SNAPC1: variants seen among roughly 807,000 people sequenced by gnomAD.
SNAPC1 encodes the protein snRNA-activating protein complex subunit 1.
In SNAPC1, 42 loss-of-function variants were observed where a neutral mutation model predicts 50.1. The observed-to-expected ratio is 0.84, with a 90% confidence interval of 0.65 to 1.08. The LOEUF is 1.08. Among genes scored for constraint, SNAPC1 ranks in the 50% least tolerant of loss-of-function variants. The pLI is 0.00. For synonymous variants in SNAPC1, 164 were observed against 144.2 expected (o/e 1.14, Z -0.98); for missense variants, 477 against 427.3 (o/e 1.12, Z -1.02).
chr14:61,783,315 G>T (rs1174019011), intron 8 of SNAPC1, among the ~76,000 whole-genome samples: 1 of 151,884 alleles, frequency 6.6e-6, no homozygotes, highest in Non-Finnish European at 1.5e-5. Flanking sequence ...ACAGGTATGA[G>T]CCACCGCACG....
chr14:61,768,793 C>A, intron 4 of SNAPC1, 53 bp downstream of exon 4: 2 of 916,340 alleles, frequency 2.2e-6, no homozygotes, highest in Non-Finnish European at 1.8e-6. Flanking sequence ...TTATTGCCAA[C>A]TACATATTGA....
At chr14:61,769,393 G>GTTTTTTTTTTTTTTT (rs766718835) in intron 4 of SNAPC1, among the ~76,000 whole-genome samples, 1 of 116,376 alleles carries the variant, frequency 8.6e-6, no homozygotes, top group Non-Finnish European at 1.8e-5. Context: ...ATTTCCTGAG[G>GTTTTTTTTTTTTTTT]TTTTTTTTTT....
chr14:61,795,869 T>TTC lies in SNAPC1; in HGVS notation c.*886_*887insTC, dbSNP rs1555342499. ...TGTTGGCTCAACTGTTTTTTTTTTT[T>TTC]CCCTAATAGAGATGGAGTATCGCTA... is the stretch of plus-strand genomic sequence containing the variant. On this transcript the variant is annotated 3_prime_UTR_variant, in exon 10 of 10. Coordinates refer to ENST00000216294, the MANE Select transcript of SNAPC1 (RefSeq NM_003082.4). The TTC allele has an allele frequency of 2.0e-5, 3 of 151,642 alleles. No homozygotes were observed. The highest frequency in any genetic ancestry group is 7.3e-5 in the African/African-American group (3 of 41,188). 9.4% of individuals were successfully genotyped at this position (151,642 alleles called of 1,614,324 possible). A position where few individuals can be genotyped will look rare whatever the true frequency, so the allele number is the denominator to read the frequency against.
chr14:61,787,449 T>G (rs771366294), intron 8 of SNAPC1, among the ~76,000 whole-genome samples: 1 of 152,166 alleles, frequency 6.6e-6, no homozygotes, highest in African/African-American at 2.4e-5. Flanking sequence ...GGAGTTTAAT[T>G]GAGCAGTGAA....
intron 7 of SNAPC1, among the ~76,000 whole-genome samples, chr14:61,781,396 G>A (rs893993638): frequency 4.0e-5 from 6 of 148,242 alleles, no homozygotes; most frequent in Admixed American, 2.7e-4. Context: ...GTTGCAGCGA[G>A]CTGAGGTCGT....
At chr14:61,778,462 T>C (rs2045050505) in intron 6 of SNAPC1, among the ~76,000 whole-genome samples, 1 of 152,158 alleles carries the variant, frequency 6.6e-6, no homozygotes, top group South Asian at 2.1e-4. Flanking sequence ...CAAGCTATTA[T>C]ACTATATACT....
rs1449119975 is a variant in SNAPC1 at position 61,795,083 on chromosome 14, C to T, written c.*100C>T. 1 of 735,570 alleles carries T rather than the reference C, an allele frequency of 1.4e-6. No homozygotes were observed. Among genetic ancestry groups the T allele is most frequent in the South Asian group, 2.0e-5 (1 of 49,376 alleles). The allele number at this position is 735,570 out of a possible 1,614,324, so 45.6% of individuals were successfully genotyped here. A position where few individuals can be genotyped will look rare whatever the true frequency, so the allele number is the denominator to read the frequency against. On this transcript the variant is annotated 3_prime_UTR_variant, in exon 10 of 10. Transcript: ENST00000216294. ...GGAAGACTGCCAGTATTAAAAAAAT[C>T]CTTCTGGGAATCTGTAGGTTATTTC...
At chr14:61,788,342 C>T (rs2045129231) in intron 8 of SNAPC1, among the ~76,000 whole-genome samples, 1 of 152,172 alleles carries the variant, frequency 6.6e-6, no homozygotes, top group Non-Finnish European at 1.5e-5. Flanking sequence ...ATTAATCAAA[C>T]GTTCATTTCC....
chr14:61,763,486 C>CT (rs71117854), intron 1 of SNAPC1, among the ~76,000 whole-genome samples: 7,301 of 96,656 alleles, frequency 0.076, 270 homozygotes, highest in South Asian at 0.17. Flanking sequence ...CCAGCAGCTG[C>CT]TTTTTTTTTT....
At chr14:61,788,161 C>G (rs2140185262) in intron 8 of SNAPC1, among the ~76,000 whole-genome samples, 1 of 152,218 alleles carries the variant, frequency 6.6e-6, no homozygotes, top group South Asian at 2.1e-4. Flanking sequence ...TGAATTTTCT[C>G]AGGGTGTTAG....
chr14:61,793,030 T>C lies in SNAPC1; in HGVS notation c.1072+128T>C, dbSNP rs147783811. On this transcript the variant is annotated intron_variant, in intron 9 of 9. Transcript: ENST00000216294. Reference sequence around the variant, plus strand: ...TTGTGATCCTTTCATCTTTGACCCATTGGAGAATTTCAGTATTAGTCATAT... The same window carrying C: ...TTGTGATCCTTTCATCTTTGACCCACTGGAGAATTTCAGTATTAGTCATAT... 419 of 518,236 alleles carry C rather than the reference T, an allele frequency of 8.1e-4. 2 individuals carry two copies. The highest frequency in any genetic ancestry group is 7.4e-3 in the African/African-American group (372 of 50,500). The allele number at this position is 518,236 out of a possible 1,614,324, so 32.1% of individuals were successfully genotyped here. A position where few individuals can be genotyped will look rare whatever the true frequency, so the allele number is the denominator to read the frequency against.
At chr14:61,794,850 A>G (rs141347105) in intron 9 of SNAPC1, 99 bp from the exon 10 acceptor site, 1 of 791,330 alleles carries the variant, frequency 1.3e-6, no homozygotes, top group South Asian at 1.4e-5. Context: ...TGAAATGTGT[A>G]TTATCAATTA....
At chr14:61,791,200 C>T (rs1178296986) in intron 8 of SNAPC1, among the ~76,000 whole-genome samples, 1 of 151,890 alleles carries the variant, frequency 6.6e-6, no homozygotes. Context: ...TTAGTAGAAG[C>T]AGGGTTTCAC....
chr14:61,771,967 A>T (rs1354239321), intron 4 of SNAPC1, among the ~76,000 whole-genome samples: 1 of 152,208 alleles, frequency 6.6e-6, no homozygotes, highest in African/African-American at 2.4e-5. Flanking sequence ...AGATTTCGGG[A>T]TACCAGAAAG....
chr14:61,785,236 C>T (rs1325254067), intron 8 of SNAPC1, among the ~76,000 whole-genome samples: 1 of 152,110 alleles, frequency 6.6e-6, no homozygotes, highest in African/African-American at 2.4e-5. Context: ...AACCCCGTCT[C>T]TACTGAAAAT....
At chr14:61,777,353 T>C (rs1270812297) in intron 5 of SNAPC1, among the ~76,000 whole-genome samples, 2 of 152,202 alleles carry the variant, frequency 1.3e-5, no homozygotes, top group Non-Finnish European at 2.9e-5. Context: ...CTTAGGCATT[T>C]AATGTAAAAA....
At chr14:61,782,102 C>T (rs766493020) in intron 7 of SNAPC1, 145 bp from the exon 8 acceptor site, 5 of 581,984 alleles carry the variant, frequency 8.6e-6, no homozygotes, top group Non-Finnish European at 1.4e-5. Flanking sequence ...TATAGTAAGC[C>T]AGCCAGGGGT....
At position 61,768,659 on chromosome 14, in the gene SNAPC1, A is replaced by T. The variant is rs1398852565; in HGVS notation, c.453A>T (p.Lys151Asn). 1.2e-6 allele frequency: 2 copies of T among 1,608,132 alleles called. No homozygotes were observed. Among genetic ancestry groups the T allele is most frequent in the Admixed American group, 3.3e-5 (2 of 59,940 alleles). ...AGCTGTCATATAGGATGAAGAAAAA[A>T]ATTCACCGAGCTGAAGTTACAGAAG... is the stretch of plus-strand genomic sequence containing the variant. Reference protein sequence around the residue: ...PKLLSYRMKKKIHRAEVTEEF... With the variant: ...PKLLSYRMKKNIHRAEVTEEF... Residue 151 changes from lysine to asparagine, a missense_variant, in exon 4 of 10, where the codon AAA (lysine) becomes AAT (asparagine). Lys to Asn is a moderately conservative substitution (Grantham distance 94, BLOSUM62 0). Coordinates refer to ENST00000216294, the MANE Select transcript of SNAPC1 (RefSeq NM_003082.4).
chr14:61,790,103 C>T (rs539657268), intron 8 of SNAPC1, among the ~76,000 whole-genome samples: 1 of 152,284 alleles, frequency 6.6e-6, no homozygotes, highest in African/African-American at 2.4e-5. Flanking sequence ...AATACAATGA[C>T]ACAATAAAGA....
Sources: gnomAD v4.1 joint callset for allele counts (sites outside exome capture counted in the v4.1 genomes callset) on GRCh38, gnomAD v4.1.1 for gene constraint, MANE v1.5 for transcripts, NCBI Gene and HGNC (gene_info 2026-07-23, HGNC 2026-07-21) for gene names.